Variants in COL23A1 observed in about 807,000 individuals in gnomAD.
The protein encoded by COL23A1 is collagen alpha-1(XXIII) chain.
In COL23A1, 97 loss-of-function variants were observed where a neutral mutation model predicts 99.3. The ratio of observed to expected loss-of-function variants is 0.98; its 90% CI spans 0.83 to 1.16. The LOEUF is 1.16. Among genes scored for constraint, COL23A1 ranks in the 50% most tolerant of loss-of-function variants. The pLI is 0.00. For missense variants in COL23A1, 762 were observed against 757.4 expected (o/e 1.01, Z -0.07); for synonymous variants, 320 against 308.2 (o/e 1.04, Z -0.40).
chr5:178,443,911 A>G (rs1767021086), intron 2 of COL23A1, among the ~76,000 whole-genome samples: 1 of 152,166 alleles, frequency 6.6e-6, no homozygotes, highest in South Asian at 2.1e-4. Flanking sequence ...TTAAGATATA[A>G]AGAAAATGGG....
At chr5:178,400,695 G>A (rs888164835) in intron 2 of COL23A1, among the ~76,000 whole-genome samples, 11 of 151,474 alleles carry the variant, frequency 7.3e-5, no homozygotes, top group Admixed American at 2.6e-4. Flanking sequence ...GCCCAGGCTG[G>A]AGCACAATCT....
At chr5:178,269,782 A>ATCCG (rs1205740406) in intron 6 of COL23A1, among the ~76,000 whole-genome samples, 1 of 145,482 alleles carries the variant, frequency 6.9e-6, no homozygotes, top group African/African-American at 2.6e-5. Flanking sequence ...CCATCCATCC[A>ATCCG]TCTATCCAGT....
At chr5:178,290,824 G>T (rs1162816414) in intron 3 of COL23A1, among the ~76,000 whole-genome samples, 1 of 152,136 alleles carries the variant, frequency 6.6e-6, no homozygotes, top group Non-Finnish European at 1.5e-5. Context: ...GGGGGAGGGG[G>T]CTCCTGCTGC....
chr5:178,386,439 CAAAAAAA>C (rs11329976), intron 2 of COL23A1, among the ~76,000 whole-genome samples: 1 of 138,022 alleles, frequency 7.2e-6, no homozygotes, highest in Non-Finnish European at 1.6e-5. Context: ...ACTCCGTCTC[CAAAAAAA>C]AAAAACGCAA....
chr5:178,547,929 ACC>A (rs1761773814), intron 2 of COL23A1, among the ~76,000 whole-genome samples: 1 of 32,644 alleles, frequency 3.1e-5, no homozygotes, highest in Admixed American at 4.1e-4. Context: ...GCACACTTAC[ACC>A]CACACCCACC....
chr5:178,585,745 A>AATAATGCCCTACAG (rs1371181299), intron 1 of COL23A1, among the ~76,000 whole-genome samples: 4 of 5,486 alleles, frequency 7.3e-4, no homozygotes, highest in Non-Finnish European at 1.7e-3. Flanking sequence ...GCCCTGGCTG[A>AATAATGCCCTACAG]CCCTGTTGGT....
At chr5:178,527,349 C>T (rs1157417741) in intron 2 of COL23A1, among the ~76,000 whole-genome samples, 2 of 151,658 alleles carry the variant, frequency 1.3e-5, no homozygotes, top group African/African-American at 4.8e-5. Context: ...CCTGCAGCCT[C>T]CTGACTTTCT....
In COL23A1 at chr5:178,428,286, C is replaced by T. The variant is rs990748065; in HGVS notation, c.362-121367G>A. Among the ~76,000 whole-genome samples the T allele has an allele frequency of 1.3e-5, 2 of 152,204 alleles. No individual in the cohort carries two copies. Among genetic ancestry groups the T allele is most frequent in the African/African-American group, 4.8e-5 (2 of 41,464 alleles). On this transcript the variant is annotated intron_variant, in intron 2 of 28. Transcript: ENST00000390654. The surrounding 1 kb of genome is among the most constrained non-coding windows in gnomAD (Gnocchi z 5.0). ...CTGGCTTCCCAAGATGCCATCTCTC[C>T]AGCCAAGAAGGTGCCCTGGGCAGTC...
chr5:178,561,514 A>G (rs1158623767), intron 1 of COL23A1, among the ~76,000 whole-genome samples: 3 of 152,170 alleles, frequency 2.0e-5, no homozygotes, highest in Non-Finnish European at 4.4e-5. Flanking sequence ...TGAGGCCAGA[A>G]CAAACGGTCC....
chr5:178,365,556 A>C lies in COL23A1; in HGVS notation c.362-58637T>G, dbSNP rs1762426876. On this transcript the variant is annotated intron_variant, in intron 2 of 28. Transcript: ENST00000390654. The surrounding 1 kb of genome is among the most constrained non-coding windows in gnomAD (Gnocchi z 5.2). ...TCCTTGGCAGGGATGAGGGGTCCTC[A>C]GGTCTGGCTGGGCCCACCTGGCTGC... Among the ~76,000 whole-genome samples the C allele has an allele frequency of 6.6e-6, 1 of 152,140 alleles. No homozygotes were observed. The highest frequency in any genetic ancestry group is 2.4e-5 in the African/African-American group (1 of 41,420).
chr5:178,456,545 A>G (rs1053929494), intron 2 of COL23A1, among the ~76,000 whole-genome samples: 5 of 152,136 alleles, frequency 3.3e-5, no homozygotes, highest in Admixed American at 3.3e-4. Context: ...CTAAAAATAC[A>G]AAATTAGCTG....
intron 2 of COL23A1, among the ~76,000 whole-genome samples, chr5:178,414,548 G>C (rs567135098): frequency 1.8e-4 from 27 of 152,288 alleles, no homozygotes; most frequent in African/African-American, 6.5e-4. Context: ...GAGGTGGGCA[G>C]ATCAACTGAG....
chr5:178,496,694 G>C (rs1033035155), intron 2 of COL23A1, among the ~76,000 whole-genome samples: 1 of 152,144 alleles, frequency 6.6e-6, no homozygotes, highest in Non-Finnish European at 1.5e-5. Context: ...CCCATTCTAA[G>C]GACTAAACAA....
At chr5:178,416,117 T>A (rs1765294363) in intron 2 of COL23A1, among the ~76,000 whole-genome samples, 1 of 152,216 alleles carries the variant, frequency 6.6e-6, no homozygotes, top group Non-Finnish European at 1.5e-5. Context: ...ATTCATTCGC[T>A]CGTTGACTAC....
At chr5:178,358,285 TGTGC>T (rs1368119044) in intron 2 of COL23A1, among the ~76,000 whole-genome samples, 1 of 148,762 alleles carries the variant, frequency 6.7e-6, no homozygotes, top group Non-Finnish European at 1.5e-5. Context: ...TGTGTATGCG[TGTGC>T]GTATATGTAT....
In COL23A1 at chr5:178,310,801, G is replaced by A. The variant is rs943666344; in HGVS notation, c.362-3882C>T. Among the ~76,000 whole-genome samples, 3 of 152,116 alleles carry A rather than the reference G, an allele frequency of 2.0e-5. No individual in the cohort carries two copies. Among genetic ancestry groups the A allele is most frequent in the African/African-American group, 7.2e-5 (3 of 41,432 alleles). On this transcript the variant is annotated intron_variant, in intron 2 of 28. Coordinates refer to ENST00000390654, the MANE Select transcript of COL23A1 (RefSeq NM_173465.4). The surrounding 1 kb of genome is among the most constrained non-coding windows in gnomAD (Gnocchi z 4.3). ...ACCTGGCTCCAACAAGCAAAACCAG[G>A]CCTTTGGCCAGGTGGTTGGCCTCAG...
intron 2 of COL23A1, among the ~76,000 whole-genome samples, chr5:178,369,122 C>A (rs554763840): frequency 6.6e-6 from 1 of 152,182 alleles, no homozygotes; most frequent in African/African-American, 2.4e-5. Context: ...CTATTCAGTG[C>A]GGGTCAGGAG....
At chr5:178,531,165 C>G (rs1760626982) in intron 2 of COL23A1, among the ~76,000 whole-genome samples, 1 of 152,304 alleles carries the variant, frequency 6.6e-6, no homozygotes. Context: ...CCGTGCCTGG[C>G]TGAAATAAGC....
rs583438 is a variant in COL23A1, at chr5:178,503,697, A to G, written c.361+56985T>C. 2.1e-3 allele frequency among the ~76,000 whole-genome samples: 318 copies of G among 152,312 alleles called. 2 individuals are homozygous for G. The highest frequency in any genetic ancestry group is 7.4e-3 in the African/African-American group (306 of 41,564). ...AGATAAATAATTTTAAGAATGGGGT[A>G]AAATTTAAAAAGGTGAACTTGGGTA... is the stretch of plus-strand genomic sequence containing the variant. On this transcript the variant is annotated intron_variant, in intron 2 of 28. Transcript: ENST00000390654.
Sources: allele counts gnomAD v4.1 joint callset (sites outside exome capture counted in the v4.1 genomes callset), GRCh38; gene constraint gnomAD v4.1.1; non-coding constraint Gnocchi (gnomAD v3.1); transcripts MANE v1.5; gene names NCBI Gene and HGNC (gene_info 2026-07-23, HGNC 2026-07-21).